The following NKX2-3 variants were observed in gnomAD, a reference collection of about 807,000 sequenced individuals.
The protein encoded by NKX2-3 is homeobox protein Nkx-2.3.
In NKX2-3, 3 loss-of-function variants were observed where a neutral mutation model predicts 14.2. That is an observed-to-expected ratio of 0.21 (90% CI 0.10 to 0.55). The LOEUF (loss-of-function observed/expected upper bound fraction) is 0.55. NKX2-3 is among the 20% of genes least tolerant of loss of function. The probability of loss-of-function intolerance (pLI) is 0.94; values close to 1 mark genes in which losing one functional copy is unlikely to be tolerated. For missense variants in NKX2-3, 511 were observed against 514.5 expected, an observed-to-expected ratio of 0.99 and a Z score of 0.06; for synonymous variants, 276 against 234.2, an observed-to-expected ratio of 1.18 and a Z score of -1.63.
At position 99,535,546 on chromosome 10, in the gene NKX2-3, C is replaced by T. The variant is rs1181122077; in HGVS notation, c.920C>T (p.Ser307Phe). Residue 307 changes from serine (S) to phenylalanine (F), a missense_variant, in exon 2 of 2, where the codon TCC (serine) becomes TTC (phenylalanine). Coordinates refer to ENST00000344586, the MANE Select transcript of NKX2-3 (RefSeq NM_145285.3). ...AGGGGGGGGT[S>F]AATTAMQPAC... ...GGCGGCGGCGGCGGCGGCGGGACCT[C>T]CGCGGCGACCACTGCCATGCAGCCC... 163 of 1,396,270 alleles carry T rather than the reference C, an allele frequency of 1.2e-4. 3 individuals carry two copies. In the East Asian group the frequency reaches 4.8e-3, roughly 41 times the overall value. 86.5% of individuals were successfully genotyped at this position (1,396,270 alleles called of 1,614,324 possible).
At position 99,535,878 on chromosome 10, in the gene NKX2-3, G is replaced by C. The variant is rs1333529793; in HGVS notation, c.*157G>C. 3.5e-6 allele frequency: 3 copies of C among 864,246 alleles called. No individual in the cohort carries two copies. The highest frequency in any genetic ancestry group is 5.0e-6 in the Non-Finnish European group (3 of 598,984). 53.5% of individuals were successfully genotyped at this position (864,246 alleles called of 1,614,324 possible). A position where few individuals can be genotyped will look rare whatever the true frequency, so the allele number is the denominator to read the frequency against. ...GGATCGCAGCTCACTCGAGGCCTGG[G>C]GAAGGGGACTCAGGGGCGAGGAGGA... On this transcript the variant is annotated 3_prime_UTR_variant, in exon 2 of 2. Transcript: ENST00000344586.
At position 99,535,561 on chromosome 10, in the gene NKX2-3, C is replaced by T. The variant is rs1299682130; in HGVS notation, c.935C>T (p.Ala312Val). 6.7e-7 allele frequency: 1 copy of T among 1,482,026 alleles called. No individual in the cohort carries two copies. The highest frequency in any genetic ancestry group is 8.9e-7 in the Non-Finnish European group (1 of 1,122,762). The allele number at this position is 1,482,026 out of a possible 1,614,324, so 91.8% of individuals were successfully genotyped here. A position where few individuals can be genotyped will look rare whatever the true frequency, so the allele number is the denominator to read the frequency against. Reference sequence around the variant, plus strand: ...GGCGGGACCTCCGCGGCGACCACTGCCATGCAGCCCGCCTGCAGCGCGGCC... The same window carrying T: ...GGCGGGACCTCCGCGGCGACCACTGTCATGCAGCCCGCCTGCAGCGCGGCC... ...GGGGTSAATT[A>V]MQPACSAAGG... Residue 312 changes from alanine to valine, a missense_variant, in exon 2 of 2, where the codon GCC becomes GTC. By Grantham distance (64) the Ala-to-Val change is moderately conservative. Around this residue, in one of 3 missense-constraint regions of NKX2-3, gnomAD observed 264 missense variants for 254.7 expected, o/e 1.04. Coordinates refer to ENST00000344586, the MANE Select transcript of NKX2-3 (RefSeq NM_145285.3).
At chr10:99,534,799 G>C (rs2033947878) in intron 1 of NKX2-3, among the ~76,000 whole-genome samples, 186 bp from the exon 2 acceptor site, 1 of 152,188 alleles carries the variant, frequency 6.6e-6, no homozygotes, top group African/African-American at 2.4e-5. Flanking sequence ...CCTGCTAAGG[G>C]CGTTCTTTGG....
At chr10:99,533,530 GCAATGGCAGAGCGCACA>G in intron 1 of NKX2-3, 41 bp downstream of exon 1, 1 of 1,423,276 alleles carries the variant, frequency 7.0e-7, no homozygotes, top group East Asian at 2.5e-5. Flanking sequence ...CACACCTGGA[GCAATGGCAGAGCGCACA>G]CAAACAGCCC....
rs1388715899 is a variant in NKX2-3, at chr10:99,533,380, G to A, written c.249G>A (p.Gly83=). The part of the protein sequence containing the change: ...LNSLAAADGH[G]DSGLCPQGYV... ...CACTAGCCGCAGCAGACGGCCACGG[G>A]GATTCAGGGCTGTGTCCCCAGGGCT... Residue 83 remains glycine, a synonymous_variant, in exon 1 of 2, where the codon GGG becomes GGA. Coordinates refer to ENST00000344586, the MANE Select transcript of NKX2-3 (RefSeq NM_145285.3). 6.2e-7 allele frequency: 1 copy of A among 1,609,398 alleles called. No homozygotes were observed. The highest frequency in any genetic ancestry group is 1.7e-5 in the Admixed American group (1 of 58,848).
intron 1 of NKX2-3, among the ~76,000 whole-genome samples, chr10:99,534,545 C>T (rs1202449858): frequency 1.3e-5 from 2 of 152,226 alleles, no homozygotes; most frequent in African/African-American, 4.8e-5. Flanking sequence ...CAGATTTTCG[C>T]GCAACCCATG....
Position 99,535,469 on chromosome 10 carries a change from C to CAT in NKX2-3, c.843_844insAT (p.Ala282MetfsTer46). The CAT allele has an allele frequency of 9.0e-7, 1 of 1,106,590 alleles. No homozygotes were observed. 68.5% of individuals were successfully genotyped at this position (1,106,590 alleles called of 1,614,324 possible). The stretch of plus-strand genomic sequence containing the variant: ...CCGCCGCCGCCGCCGCCGCCGCCGC[C>CAT]GCAGCAGCGGCGGCCTACAGCAGCA... On this transcript the variant is annotated frameshift_variant, in exon 2 of 2. Coordinates refer to ENST00000344586, the MANE Select transcript of NKX2-3 (RefSeq NM_145285.3). LOFTEE classifies it low-confidence loss of function (END_TRUNC).
chr10:99,535,766 C>G lies in NKX2-3; in HGVS notation c.*45C>G, dbSNP rs1327589240. 6.6e-7 allele frequency: 1 copy of G among 1,505,068 alleles called. No homozygotes were observed. The highest frequency in any genetic ancestry group is 8.8e-7 in the Non-Finnish European group (1 of 1,134,776). 93.2% of individuals were successfully genotyped at this position (1,505,068 alleles called of 1,614,324 possible). ...GCGGGCACCCCAGCGCAGCCTGGCG[C>G]CGCGGGACTGAAGCTCGAGAAGGGC... On this transcript the variant is annotated 3_prime_UTR_variant, in exon 2 of 2. Transcript: ENST00000344586.
chr10:99,535,299 C>G lies in NKX2-3; in HGVS notation c.673C>G (p.Arg225Gly). Residue 225 changes from arginine (R) to glycine (G), a missense_variant, in exon 2 of 2, where the codon CGC becomes GGC. Around this residue, in one of 3 missense-constraint regions of NKX2-3, gnomAD observed 264 missense variants for 254.7 expected, o/e 1.04. Coordinates refer to ENST00000344586, the MANE Select transcript of NKX2-3 (RefSeq NM_145285.3). ...ACACGCGCCCCCGCCGCCGCCGCGC[C>G]GCGTGGCTGTCCCGGTGCTGGTGCG... The part of the protein sequence containing the change: ...GAHAPPPPPR[R>G]VAVPVLVRDG... 1.3e-6 allele frequency: 2 copies of G among 1,586,120 alleles called. No individual in the cohort carries two copies. The highest frequency in any genetic ancestry group is 2.3e-5 in the East Asian group (1 of 43,396).
rs745873047 is a variant in NKX2-3, at chr10:99,533,332, C to T, written c.201C>T (p.Gly67=). 3.1e-6 allele frequency: 5 copies of T among 1,612,964 alleles called. No homozygotes were observed. Residue 67 remains glycine, a synonymous_variant, in exon 1 of 2, where the codon GGC becomes GGT. Transcript: ENST00000344586. ...GGGAGGAGGACGAGGAAGACGAGGG[C>T]GAGAAATTGTCCTATTTGAACTCAC... The part of the protein sequence containing the change: ...DGGEEDEEDE[G]EKLSYLNSLA...
At position 99,535,004 on chromosome 10, in the gene NKX2-3, G is replaced by T; in HGVS notation, c.378G>T (p.Lys126Asn). The T allele has an allele frequency of 6.2e-7, 1 of 1,603,046 alleles. No homozygotes were observed. The highest frequency in any genetic ancestry group is 8.5e-7 in the Non-Finnish European group (1 of 1,175,118). The change falls in exon 2 of 2, where the codon AAG becomes AAT. Residue 126 changes from lysine to asparagine, a missense_variant. Physicochemically the swap from Lys to Asn is moderately conservative, Grantham distance 94. This residue lies in a region of NKX2-3 where 243 missense variants were observed against 242.3 expected (regional missense o/e 1.00). Transcript: ENST00000344586. ...DRSQKSCQLK[K>N]SLETAGDCKA... ...CCGCAGAAAGCTGCCAGCTGAAGAA[G>T]TCTCTAGAGACGGCCGGAGACTGCA...
chr10:99,535,094 G>C lies in NKX2-3; in HGVS notation c.468G>C (p.Ser156=). The C allele has an allele frequency of 6.2e-7, 1 of 1,609,360 alleles. No homozygotes were observed. Among genetic ancestry groups the C allele is most frequent in the Non-Finnish European group, 8.5e-7 (1 of 1,178,150 alleles). ...GCCGGAAGCCCCGGGTCCTCTTCTC[G>C]CAAGCCCAGGTCTTCGAGCTGGAAC... ...RSRRKPRVLF[S]QAQVFELERR... is the part of the protein sequence containing the mutation. Residue 156 remains serine, a synonymous_variant, in exon 2 of 2, where the codon TCG becomes TCC. Coordinates refer to ENST00000344586, the MANE Select transcript of NKX2-3 (RefSeq NM_145285.3).
chr10:99,534,976 C>T lies in NKX2-3; in HGVS notation c.359-9C>T, dbSNP rs1388722549. ...CAGCTAAGGACGCTGTTGTTTGCTT[C>T]TTCCGCAGAAAGCTGCCAGCTGAAG... On this transcript the variant is annotated splice_polypyrimidine_tract_variant and intron_variant, in intron 1 of 1. Transcript: ENST00000344586. 5 of 1,583,392 alleles carry T rather than the reference C, an allele frequency of 3.2e-6. No homozygotes were observed. The highest frequency in any genetic ancestry group is 2.3e-5 in the South Asian group (2 of 87,352).
Position 99,534,930 on chromosome 10 carries a change from G to A in NKX2-3, c.359-55G>A. 2.6e-6 allele frequency: 4 copies of A among 1,539,930 alleles called. No homozygotes were observed. In the South Asian group the frequency reaches 4.8e-5, roughly 18 times the overall value. ...AAAGGGTCACGGTGCTCCAGGACAG[G>A]AGCCGCGGTGCGGCCGGGAACAGCT... is the stretch of plus-strand genomic sequence containing the variant. On this transcript the variant is annotated intron_variant, in intron 1 of 1. Transcript: ENST00000344586.
Position 99,535,951 on chromosome 10 carries a change from T to G in NKX2-3, c.*230T>G. On this transcript the variant is annotated 3_prime_UTR_variant, in exon 2 of 2. Transcript: ENST00000344586. ...CTGTCTCTGAGGCAGAAACGCCGGC[T>G]GGGCGCCGGGGAGGACGATGGCCCC... 2 of 520,714 alleles carry G rather than the reference T, an allele frequency of 3.8e-6. No individual in the cohort carries two copies. Among genetic ancestry groups the G allele is most frequent in the Non-Finnish European group, 3.3e-6 (1 of 301,230 alleles). The allele number at this position is 520,714 out of a possible 1,614,324, so 32.3% of individuals were successfully genotyped here. A position where few individuals can be genotyped will look rare whatever the true frequency, so the allele number is the denominator to read the frequency against.
chr10:99,535,958 C>T lies in NKX2-3; in HGVS notation c.*237C>T, dbSNP rs368108882. The T allele has an allele frequency of 3.5e-3, 1,846 of 525,896 alleles. 18 individuals are homozygous for T. The highest frequency in any genetic ancestry group is 0.018 in the South Asian group (761 of 42,646). The allele number at this position is 525,896 out of a possible 1,614,324, so 32.6% of individuals were successfully genotyped here. On this transcript the variant is annotated 3_prime_UTR_variant, in exon 2 of 2. Coordinates refer to ENST00000344586, the MANE Select transcript of NKX2-3 (RefSeq NM_145285.3). ...TGAGGCAGAAACGCCGGCTGGGCGC[C>T]GGGGAGGACGATGGCCCCGACCCTG...
Position 99,533,330 on chromosome 10 carries a change from G to A in NKX2-3, c.199G>A (p.Gly67Ser), listed in dbSNP as rs2033931026. 1.2e-6 allele frequency: 2 copies of A among 1,613,136 alleles called. No individual in the cohort carries two copies. The highest frequency in any genetic ancestry group is 1.3e-5 in the African/African-American group (1 of 74,926). Reference protein sequence around the residue: ...DGGEEDEEDEGEKLSYLNSLA... With the variant: ...DGGEEDEEDESEKLSYLNSLA... ...AGGGGAGGAGGACGAGGAAGACGAG[G>A]GCGAGAAATTGTCCTATTTGAACTC... Residue 67 changes from glycine (G) to serine (S), a missense_variant, in exon 1 of 2, where the codon GGC (glycine) becomes AGC (serine). Physicochemically the swap from Gly to Ser is moderately conservative, Grantham distance 56 (BLOSUM62 0). Coordinates refer to ENST00000344586, the MANE Select transcript of NKX2-3 (RefSeq NM_145285.3).
At position 99,532,953 on chromosome 10, in the gene NKX2-3, C is replaced by A; in HGVS notation, c.-179C>A. ...GCCCCAGTCCCTGCAGTGGCTGTAA[C>A]AAAACCCAGACCCCCAGGTCCCGGC... On this transcript the variant is annotated 5_prime_UTR_variant, in exon 1 of 2. Transcript: ENST00000344586. 1.7e-6 allele frequency: 1 copy of A among 579,350 alleles called. No homozygotes were observed. The highest frequency in any genetic ancestry group is 2.8e-5 in the South Asian group (1 of 36,354). 35.9% of individuals were successfully genotyped at this position (579,350 alleles called of 1,614,324 possible).
At position 99,535,713 on chromosome 10, in the gene NKX2-3, G is replaced by A; in HGVS notation, c.1087G>A (p.Ala363Thr). The change falls in exon 2 of 2, where the codon GCC (alanine) becomes ACC (threonine). Residue 363 changes from alanine (A) to threonine (T), a missense_variant. Physicochemically the swap from Ala to Thr is moderately conservative, Grantham distance 58. Transcript: ENST00000344586. Reference sequence around the variant, plus strand: ...TCAGGGCACCTTGCAGGGCATCCGGGCCTGGTAGGGACGGGGCGGGTCACG... The same window carrying A: ...TCAGGGCACCTTGCAGGGCATCCGGACCTGGTAGGGACGGGGCGGGTCACG... ...CAQGTLQGIR[A>T]W The A allele has an allele frequency of 1.3e-6, 2 of 1,533,300 alleles. No homozygotes were observed. Among genetic ancestry groups the A allele is most frequent in the Non-Finnish European group, 1.7e-6 (2 of 1,145,216 alleles). 95.0% of individuals were successfully genotyped at this position (1,533,300 alleles called of 1,614,324 possible).
Sources: allele counts gnomAD v4.1 joint callset (sites outside exome capture counted in the v4.1 genomes callset), GRCh38; gene constraint gnomAD v4.1.1; regional missense constraint gnomAD v4.1.1; transcripts MANE v1.5; gene names NCBI Gene and HGNC (gene_info 2026-07-23, HGNC 2026-07-21).